TECPR1: variants seen among roughly 807,000 people sequenced by gnomAD.
The protein encoded by TECPR1 is tectonin beta-propeller repeat-containing protein 1.
A neutral mutation model predicts 162.4 loss-of-function variants in TECPR1; 122 were observed. The observed-to-expected ratio is 0.75, with a 90% CI of 0.65 to 0.87. The LOEUF (loss-of-function observed/expected upper bound fraction) is 0.87. TECPR1 is among the 40% of genes least tolerant of loss of function. TECPR1 has a pLI of 0.00. For missense variants in TECPR1, 1,432 were observed against 1,618.2 expected (o/e 0.88, Z 1.97); for synonymous variants, 642 against 670.6 (o/e 0.96, Z 0.66).
chr7:98,228,437 C>T, intron 16 of TECPR1: 1 of 343,942 alleles, frequency 2.9e-6, no homozygotes, highest in South Asian at 3.1e-5. Flanking sequence ...ATGAGGCCCA[C>T]CCAGCTCACT....
Position 98,223,036 on chromosome 7 carries a change from TTGTCGCTGACGGCCCAGAGGGCGATGC to T in TECPR1, c.2855_2881del (p.Ser952_Asp960del), listed in dbSNP as rs1484061689. 2 of 1,611,314 alleles carry T rather than the reference TTGTCGCTGACGGCCCAGAGGGCGATGC, an allele frequency of 1.2e-6. No individual in the cohort carries two copies. The highest frequency in any genetic ancestry group is 1.7e-5 in the Admixed American group (1 of 59,808). ...GCCCAGGCGGCACAGCACATCCCCC[TTGTCGCTGACGGCCCAGAGGGCGATGC>T]TGTGCCCACTCCCCTCGGCACCCGG... On this transcript the variant is annotated inframe_deletion, in exon 21 of 26. Coordinates refer to ENST00000447648, the MANE Select transcript of TECPR1 (RefSeq NM_015395.3).
At position 98,221,578 on chromosome 7, in the gene TECPR1, C is replaced by T. The variant is rs1770324210; in HGVS notation, c.3157+83G>A. The T allele has an allele frequency of 1.2e-5, 15 of 1,253,044 alleles. 1 individual carries two copies. Among genetic ancestry groups the T allele is most frequent in the Non-Finnish European group, 1.6e-5 (14 of 872,606 alleles). The allele number at this position is 1,253,044 out of a possible 1,614,324, so 77.6% of individuals were successfully genotyped here. On this transcript the variant is annotated intron_variant, in intron 23 of 25. Transcript: ENST00000447648. ...CTGATCTCAGGTGATCCGCTGGCCT[C>T]GGCCTCCCAAAGTGCTGAGATTACA...
At chr7:98,243,677 G>T in intron 5 of TECPR1, 85 bp from the exon 6 acceptor site, 1 of 1,496,994 alleles carries the variant, frequency 6.7e-7, no homozygotes. Flanking sequence ...CCTGCCATCC[G>T]GACTTCCATT....
intron 5 of TECPR1, among the ~76,000 whole-genome samples, chr7:98,243,933 C>T (rs1798834530): frequency 6.6e-6 from 1 of 152,210 alleles, no homozygotes; most frequent in South Asian, 2.1e-4. Context: ...CATGGTGGTG[C>T]ATGCCTGTAG....
rs747975693 is a variant in TECPR1, at chr7:98,233,678, G to C, written c.1415C>G (p.Pro472Arg). ...GGGGGCCGGGCCGGGGTGCGTGTTGGGTCTGGCCTCCCTGCTGCCCTCGGC... is the reference window on the plus strand; with the variant it reads ...GGGGGCCGGGCCGGGGTGCGTGTTGCGTCTGGCCTCCCTGCTGCCCTCGGC... ...CPAEGSREAR[P>R]NTHPGPAPTP... Residue 472 changes from proline (P) to arginine (R), a missense_variant, in exon 11 of 26, where the codon CCC becomes CGC. Coordinates refer to ENST00000447648, the MANE Select transcript of TECPR1 (RefSeq NM_015395.3). 1.2e-6 allele frequency: 2 copies of C among 1,607,028 alleles called. No homozygotes were observed. Among genetic ancestry groups the C allele is most frequent in the African/African-American group, 1.3e-5 (1 of 74,806 alleles).
chr7:98,229,099 T>C lies in TECPR1; in HGVS notation c.2350A>G (p.Ile784Val), dbSNP rs202140896. The change falls in exon 16 of 26, where the codon ATC (isoleucine) becomes GTC (valine). Residue 784 changes from isoleucine to valine, a missense_variant. Coordinates refer to ENST00000447648, the MANE Select transcript of TECPR1 (RefSeq NM_015395.3). The part of the protein sequence containing the change: ...EANSRGVVWG[I>V]GYDHTAWVYT... ...ACCCAGGCCGTGTGGTCATAGCCGA[T>C]GCCCCACACCACGCCCCGGCTGTTG... 1.0e-4 allele frequency: 162 copies of C among 1,581,860 alleles called. 1 individual carries two copies. In the African/African-American group the frequency reaches 2.0e-3, roughly 20 times the overall value.
At chr7:98,221,301 T>G (rs1296814141) in intron 23 of TECPR1, among the ~76,000 whole-genome samples, 1 of 151,996 alleles carries the variant, frequency 6.6e-6, no homozygotes, top group Non-Finnish European at 1.5e-5. Flanking sequence ...AAACTCCATC[T>G]CAAAGAAAAA....
chr7:98,226,223 C>T (rs1798276726), intron 17 of TECPR1, among the ~76,000 whole-genome samples: 1 of 152,226 alleles, frequency 6.6e-6, no homozygotes, highest in Admixed American at 6.5e-5. Flanking sequence ...ACACTGCCCA[C>T]AGCTGAGGCG....
intron 13 of TECPR1, 96 bp from the exon 14 acceptor site, chr7:98,231,469 T>A: frequency 7.5e-7 from 1 of 1,328,110 alleles, no homozygotes. Flanking sequence ...ACCCTGGCCC[T>A]CGGACACCCT....
chr7:98,250,728 C>G (rs148917122), intron 2 of TECPR1, among the ~76,000 whole-genome samples: 149 of 152,326 alleles, frequency 9.8e-4, no homozygotes, highest in Admixed American at 2.2e-3. Context: ...TAGACTCAGT[C>G]TGCAGGTTGA....
At chr7:98,223,591 AACC>A (rs1798199068) in intron 20 of TECPR1, 68 bp downstream of exon 20, 2 of 1,554,164 alleles carry the variant, frequency 1.3e-6, no homozygotes, top group East Asian at 4.5e-5. Flanking sequence ...GGGTGCAGGG[AACC>A]AGAGCTCCCT....
intron 9 of TECPR1, among the ~76,000 whole-genome samples, 182 bp from the exon 10 acceptor site, chr7:98,237,103 GC>G (rs1562940981): frequency 6.6e-6 from 1 of 151,932 alleles, no homozygotes; most frequent in Admixed American, 6.6e-5. Context: ...CTCAGGAGAA[GC>G]TGCGACCTGG....
intron 9 of TECPR1, among the ~76,000 whole-genome samples, chr7:98,237,141 C>G (rs1433773235): frequency 6.6e-6 from 1 of 151,826 alleles, no homozygotes; most frequent in East Asian, 2.0e-4. Flanking sequence ...TCAGGCAGAC[C>G]CAGGGTTTCA....
At chr7:98,220,931 T>C (rs552396145) in intron 23 of TECPR1, among the ~76,000 whole-genome samples, 2 of 149,332 alleles carry the variant, frequency 1.3e-5, no homozygotes, top group South Asian at 4.5e-4. Flanking sequence ...TCTCAAGTGA[T>C]CCGCCCACCT....
chr7:98,245,785 T>C, intron 3 of TECPR1, 137 bp downstream of exon 3: 1 of 827,292 alleles, frequency 1.2e-6, no homozygotes, highest in Non-Finnish European at 1.9e-6. Flanking sequence ...CAACACAGAT[T>C]TTAAGTACAA....
chr7:98,229,025 T>C lies in TECPR1; in HGVS notation c.2410+14A>G. The C allele has an allele frequency of 9.4e-6, 15 of 1,598,626 alleles. No homozygotes were observed. Among genetic ancestry groups the C allele is most frequent in the Non-Finnish European group, 1.2e-5 (14 of 1,172,286 alleles). ...GCCCAGGAAGGCTCCGGGGGGGCTG[T>C]GGGCCGCCCTCACCTTGGAAGCAGC... is the stretch of plus-strand genomic sequence containing the variant. On this transcript the variant is annotated intron_variant, in intron 16 of 25. Transcript: ENST00000447648.
chr7:98,236,059 A>AT (rs1461207974), intron 10 of TECPR1, among the ~76,000 whole-genome samples: 1 of 152,086 alleles, frequency 6.6e-6, no homozygotes, highest in Non-Finnish European at 1.5e-5. Context: ...CGCCATCTCC[A>AT]TCCATGCCCA....
chr7:98,222,040 T>C (rs917280031), intron 22 of TECPR1, among the ~76,000 whole-genome samples: 2 of 152,194 alleles, frequency 1.3e-5, no homozygotes, highest in African/African-American at 4.8e-5. Flanking sequence ...CCCATCCCTG[T>C]GCAGAGGGCA....
intron 16 of TECPR1, among the ~76,000 whole-genome samples, 163 bp from the exon 17 acceptor site, chr7:98,228,279 G>A (rs1798330480): frequency 2.0e-5 from 3 of 152,106 alleles, no homozygotes; most frequent in Admixed American, 6.5e-5. Flanking sequence ...CACGGGGGTC[G>A]GCCTGGCTTG....
Sources: gnomAD v4.1 joint callset for allele counts (sites outside exome capture counted in the v4.1 genomes callset) on GRCh38, gnomAD v4.1.1 for gene constraint, MANE v1.5 for transcripts, NCBI Gene and HGNC (gene_info 2026-07-23, HGNC 2026-07-21) for gene names.